The following NRG1 variants were observed in gnomAD, a reference collection of about 807,000 sequenced individuals.
NRG1 encodes the protein pro-neuregulin-1, membrane-bound isoform.
In NRG1, 18 loss-of-function variants were observed where a neutral mutation model predicts 63.8. That is an observed-to-expected ratio of 0.28 (90% CI 0.19 to 0.42). The LOEUF (loss-of-function observed/expected upper bound fraction) is 0.42, where lower values mean the gene tolerates loss of function less well. NRG1 is among the 10% of genes least tolerant of loss of function. NRG1 has a pLI of 1.00. For synonymous variants in NRG1, 302 were observed against 301.3 expected, an observed-to-expected ratio of 1.00 and a Z score of -0.02; for missense variants, 762 against 814.7, an observed-to-expected ratio of 0.94 and a Z score of 0.79.
chr8:31,725,570 G>T (rs957676489), intron 1 of NRG1, among the ~76,000 whole-genome samples: 1 of 152,098 alleles, frequency 6.6e-6, no homozygotes, highest in African/African-American at 2.4e-5. Flanking sequence ...CTCTCAGTTT[G>T]AATAGAAAAT....
At chr8:32,635,540 ATT>A (rs371951843) in intron 5 of NRG1, among the ~76,000 whole-genome samples, 2 of 149,096 alleles carry the variant, frequency 1.3e-5, no homozygotes, top group African/African-American at 4.9e-5. Flanking sequence ...TTTAGCCCTG[ATT>A]TTTTTTTTTG....
At chr8:32,640,620 G>GCACACACACA (rs58796067) in intron 5 of NRG1, among the ~76,000 whole-genome samples, 46 of 132,290 alleles carry the variant, frequency 3.5e-4, no homozygotes, top group South Asian at 1.3e-3. Context: ...TCTCAGACCC[G>GCACACACACA]CACACACACA....
At chr8:32,200,547 T>C (rs550925607) in intron 1 of NRG1, among the ~76,000 whole-genome samples, 1 of 152,312 alleles carries the variant, frequency 6.6e-6, no homozygotes, top group Admixed American at 6.5e-5. Flanking sequence ...ATTCACTAGC[T>C]ACCTCAACTG....
At chr8:31,868,333 C>T (rs1465120437) in intron 1 of NRG1, among the ~76,000 whole-genome samples, 3 of 152,274 alleles carry the variant, frequency 2.0e-5, no homozygotes, top group Middle Eastern at 3.4e-3. Context: ...CTGAGGGAAA[C>T]ATCCCTGAGG....
At chr8:31,693,594 T>C (rs943554167) in intron 1 of NRG1, among the ~76,000 whole-genome samples, 2 of 152,344 alleles carry the variant, frequency 1.3e-5, no homozygotes, top group Middle Eastern at 3.4e-3. Flanking sequence ...AACTGTTTGC[T>C]CATAAACATG....
chr8:32,009,865 T>G (rs1033918859), intron 1 of NRG1, among the ~76,000 whole-genome samples: 6 of 151,960 alleles, frequency 3.9e-5, no homozygotes, highest in African/African-American at 1.4e-4. Context: ...TTTATGCACT[T>G]TCTCTCCCCC....
At chr8:32,510,169 G>A (rs968105951) in intron 1 of NRG1, among the ~76,000 whole-genome samples, 1 of 150,642 alleles carries the variant, frequency 6.6e-6, no homozygotes, top group Non-Finnish European at 1.5e-5. Context: ...AAGAAAGAGA[G>A]ACAGAAAGAA....
intron 1 of NRG1, among the ~76,000 whole-genome samples, chr8:31,763,244 CTG>C (rs1817729496): frequency 6.6e-6 from 1 of 152,174 alleles, no homozygotes; most frequent in Non-Finnish European, 1.5e-5. Context: ...AAACATTTCT[CTG>C]TGGAATTTGA....
At chr8:32,112,139 A>T (rs1436803059) in intron 1 of NRG1, among the ~76,000 whole-genome samples, 1 of 152,204 alleles carries the variant, frequency 6.6e-6, no homozygotes, top group African/African-American at 2.4e-5. Context: ...ATCTTATGAG[A>T]AACTCTATGT....
At chr8:31,979,372 T>C (rs1808710267) in intron 1 of NRG1, among the ~76,000 whole-genome samples, 1 of 152,130 alleles carries the variant, frequency 6.6e-6, no homozygotes, top group African/African-American at 2.4e-5. Context: ...TCCCCAAATA[T>C]GCATTTGCTT....
At chr8:32,645,471 GAC>G (rs1200332247) in intron 5 of NRG1, among the ~76,000 whole-genome samples, 1 of 152,158 alleles carries the variant, frequency 6.6e-6, no homozygotes, top group African/African-American at 2.4e-5. Flanking sequence ...AAGATGTTAA[GAC>G]CCTTTAAATC....
At chr8:32,012,902 T>C (rs532046695) in intron 1 of NRG1, among the ~76,000 whole-genome samples, 1 of 152,170 alleles carries the variant, frequency 6.6e-6, no homozygotes, top group East Asian at 1.9e-4. Flanking sequence ...TTTTTGTGAA[T>C]GTATAACTTT....
chr8:31,809,555 C>T (rs922332882), intron 1 of NRG1, among the ~76,000 whole-genome samples: 9 of 150,790 alleles, frequency 6.0e-5, no homozygotes, highest in African/African-American at 2.2e-4. Context: ...CTCACAAATT[C>T]TTCACTAGTC....
chr8:31,705,045 T>C (rs766778112), intron 1 of NRG1, among the ~76,000 whole-genome samples: 49 of 151,868 alleles, frequency 3.2e-4, no homozygotes, highest in African/African-American at 6.0e-4. Context: ...TTTTGTTTTG[T>C]TTTGTTTTTG....
At chr8:31,794,425 A>AT in intron 1 of NRG1, among the ~76,000 whole-genome samples, 1 of 151,440 alleles carries the variant, frequency 6.6e-6, no homozygotes, top group Non-Finnish European at 1.5e-5. Flanking sequence ...TAATTAAAAC[A>AT]TTGTTCTTCC....
intron 1 of NRG1, among the ~76,000 whole-genome samples, chr8:32,480,293 G>C (rs1286529440): frequency 6.6e-6 from 1 of 152,082 alleles, no homozygotes; most frequent in African/African-American, 2.4e-5. Flanking sequence ...CCAGGTCTGG[G>C]GGCTAGGAGA....
At chr8:31,853,326 C>T (rs1827464977) in intron 1 of NRG1, among the ~76,000 whole-genome samples, 1 of 151,222 alleles carries the variant, frequency 6.6e-6, no homozygotes, top group African/African-American at 2.4e-5. Flanking sequence ...AGGTCCTTCA[C>T]ATCCCTTGTA....
chr8:31,806,919 T>C (rs71523435), intron 1 of NRG1, among the ~76,000 whole-genome samples: 5,272 of 152,352 alleles, frequency 0.035, 136 homozygotes, highest in Non-Finnish European at 0.051. Flanking sequence ...AACAACTTAG[T>C]AATTTTTAGA....
At chr8:32,222,101 A>G (rs778147294) in intron 1 of NRG1, among the ~76,000 whole-genome samples, 1 of 152,122 alleles carries the variant, frequency 6.6e-6, no homozygotes, top group Non-Finnish European at 1.5e-5. Context: ...AGACAGGAAG[A>G]TATGTGTAAA....
Sources: gnomAD v4.1 joint callset for allele counts (sites outside exome capture counted in the v4.1 genomes callset) on GRCh38, gnomAD v4.1.1 for gene constraint, MANE v1.5 for transcripts, NCBI Gene and HGNC (gene_info 2026-07-23, HGNC 2026-07-21) for gene names.